The following ITM2B variants were observed in gnomAD, a reference collection of about 807,000 sequenced individuals.
ITM2B encodes the protein ABri/ADan amyloid peptide.
Under a neutral mutation model 27.8 loss-of-function variants are expected in ITM2B, and 11 were observed. The ratio of observed to expected loss-of-function variants is 0.40; its 90% CI spans 0.25 to 0.66. The LOEUF is 0.66. ITM2B is among the 30% of genes least tolerant of loss of function. The pLI, the probability that ITM2B is intolerant of heterozygous loss-of-function variation, is 0.43. For missense variants in ITM2B, 296 were observed against 328.9 expected, an observed-to-expected ratio of 0.90 and a Z score of 0.77; for synonymous variants, 114 against 114.3, an observed-to-expected ratio of 1.00 and a Z score of 0.02.
rs545875072 is a variant in ITM2B at position 48,267,482 on chromosome 13, C to G, written c.*6258C>G. ...TGGAATGAGTCCCTAGATTCTAGCCCTGCAGCTAGCTGACACTCTAAAAAA... is the reference window on the plus strand; with the variant it reads ...TGGAATGAGTCCCTAGATTCTAGCCGTGCAGCTAGCTGACACTCTAAAAAA... On this transcript the variant is annotated 3_prime_UTR_variant, in exon 6 of 6. Transcript: ENST00000647800. 1 of 152,116 alleles carries G rather than the reference C, an allele frequency of 6.6e-6. No homozygotes were observed. The highest frequency in any genetic ancestry group is 2.1e-4 in the South Asian group (1 of 4,834). The allele number at this position is 152,116 out of a possible 1,614,324, so 9.4% of individuals were successfully genotyped here.
At chr13:48,258,053 TATTCTTAAAA>T in intron 3 of ITM2B, 63 bp from the exon 4 acceptor site, 1 of 781,244 alleles carries the variant, frequency 1.3e-6, no homozygotes, top group Non-Finnish European at 2.4e-6. Context: ...TGATACAAAT[TATTCTTAAAA>T]ATCCAGTTGC....
At chr13:48,256,771 G>T (rs1199430847) in intron 3 of ITM2B, among the ~76,000 whole-genome samples, 1 of 152,010 alleles carries the variant, frequency 6.6e-6, no homozygotes, top group Non-Finnish European at 1.5e-5. Context: ...CAGCTTTTGA[G>T]CATTTTTATG....
At chr13:48,237,498 T>C (rs1951674576) in intron 1 of ITM2B, among the ~76,000 whole-genome samples, 1 of 152,162 alleles carries the variant, frequency 6.6e-6, no homozygotes, top group African/African-American at 2.4e-5. Context: ...TAGACAGAAA[T>C]GAGTATAATA....
chr13:48,240,231 A>G (rs1951691969), intron 1 of ITM2B, among the ~76,000 whole-genome samples: 1 of 152,168 alleles, frequency 6.6e-6, no homozygotes, highest in South Asian at 2.1e-4. Context: ...GTTGAGAAAC[A>G]GTCTTGCCCT....
chr13:48,256,439 T>C (rs1414120568), intron 3 of ITM2B, 56 bp downstream of exon 3: 24 of 1,317,740 alleles, frequency 1.8e-5, no homozygotes, highest in Non-Finnish European at 2.6e-5. Context: ...TTTATGCTTT[T>C]TGTAGTTTTA....
chr13:48,266,896 C>G lies in ITM2B; in HGVS notation c.*5672C>G, dbSNP rs1386763453. The G allele has an allele frequency of 6.6e-6, 1 of 152,260 alleles. No homozygotes were observed. The highest frequency in any genetic ancestry group is 2.1e-4 in the South Asian group (1 of 4,828). The allele number at this position is 152,260 out of a possible 1,614,324, so 9.4% of individuals were successfully genotyped here. A position where few individuals can be genotyped will look rare whatever the true frequency, so the allele number is the denominator to read the frequency against. ...TCTTCTTCCATAATGCCACCTTCTTCTAGGATAGTATTTTTGGGCCAGATG... is the reference window on the plus strand; with the variant it reads ...TCTTCTTCCATAATGCCACCTTCTTGTAGGATAGTATTTTTGGGCCAGATG... On this transcript the variant is annotated 3_prime_UTR_variant, in exon 6 of 6. Coordinates refer to ENST00000647800, the MANE Select transcript of ITM2B (RefSeq NM_021999.5).
intron 1 of ITM2B, among the ~76,000 whole-genome samples, chr13:48,235,662 C>T (rs1951664125): frequency 6.6e-6 from 1 of 152,176 alleles, no homozygotes. Flanking sequence ...TGGCTCCTTG[C>T]GGGTGGCTCT....
intron 5 of ITM2B, 105 bp from the exon 6 acceptor site, chr13:48,261,034 T>C: frequency 1.3e-6 from 1 of 760,408 alleles, no homozygotes; most frequent in Non-Finnish European, 2.2e-6. Context: ...TTGTGGAATA[T>C]AGAGTGAAAT....
intron 1 of ITM2B, among the ~76,000 whole-genome samples, chr13:48,244,878 C>T (rs1196898535): frequency 1.3e-5 from 2 of 152,030 alleles, no homozygotes; most frequent in African/African-American, 4.8e-5. Flanking sequence ...CCAATTTATC[C>T]CGGTAAAGGA....
rs1214586151 is a variant in ITM2B, at chr13:48,235,749, T to G, written c.117+2272T>G. 2.6e-5 allele frequency among the ~76,000 whole-genome samples: 4 copies of G among 152,244 alleles called. No individual in the cohort carries two copies. The East Asian group carries it at 7.7e-4, about 29-fold the overall frequency. ...TGTGTTTTGCCGAGGGCATTTCCTTTGCCTGGTTGGTTGAAAGAATCAAAC... is the reference window on the plus strand; with the variant it reads ...TGTGTTTTGCCGAGGGCATTTCCTTGGCCTGGTTGGTTGAAAGAATCAAAC... On this transcript the variant is annotated intron_variant, in intron 1 of 5. Coordinates refer to ENST00000647800, the MANE Select transcript of ITM2B (RefSeq NM_021999.5).
At chr13:48,242,611 T>C (rs747555896) in intron 1 of ITM2B, among the ~76,000 whole-genome samples, 32 of 152,156 alleles carry the variant, frequency 2.1e-4, no homozygotes, top group Admixed American at 6.5e-4. Context: ...CGTTATTCCA[T>C]CCTCATATTT....
rs1951869859 is a variant in ITM2B, at chr13:48,269,136, T to A, written c.*7912T>A. On this transcript the variant is annotated 3_prime_UTR_variant, in exon 6 of 6. Transcript: ENST00000647800. ...TGGTTTCCTCATCTCAGCTCCTTTT[T>A]TTTTCCAGTTGCACAGGCTAAAAAT... 1 of 152,190 alleles carries A rather than the reference T, an allele frequency of 6.6e-6. No individual in the cohort carries two copies. The highest frequency in any genetic ancestry group is 2.1e-4 in the South Asian group (1 of 4,836). 9.4% of individuals were successfully genotyped at this position (152,190 alleles called of 1,614,324 possible).
Position 48,261,261 on chromosome 13 carries a change from C to G in ITM2B, c.*37C>G, listed in dbSNP as rs761962927. On this transcript the variant is annotated 3_prime_UTR_variant, in exon 6 of 6. Coordinates refer to ENST00000647800, the MANE Select transcript of ITM2B (RefSeq NM_021999.5). Reference sequence around the variant, plus strand: ...AAACATTATTGAGGAAAATTAATATCACAGCATAACCCCACCCTTTACATT... The same window carrying G: ...AAACATTATTGAGGAAAATTAATATGACAGCATAACCCCACCCTTTACATT... 15 of 1,328,922 alleles carry G rather than the reference C, an allele frequency of 1.1e-5. No homozygotes were observed. Among genetic ancestry groups the G allele is most frequent in the Non-Finnish European group, 1.6e-5 (15 of 920,684 alleles). 82.3% of individuals were successfully genotyped at this position (1,328,922 alleles called of 1,614,324 possible).
At chr13:48,247,965 C>T (rs149074374) in intron 1 of ITM2B, among the ~76,000 whole-genome samples, 244 of 151,420 alleles carry the variant, frequency 1.6e-3, no homozygotes, top group African/African-American at 5.5e-3. Context: ...ACCTTTTAAG[C>T]GCGATGCAAG....
rs770862229 is a variant in ITM2B, at chr13:48,261,239, C to T, written c.*15C>T. On this transcript the variant is annotated 3_prime_UTR_variant, in exon 6 of 6. Coordinates refer to ENST00000647800, the MANE Select transcript of ITM2B (RefSeq NM_021999.5). ...TTTGTTCTTGAACAGTCAAGAAAAACATTATTGAGGAAAATTAATATCACA... is the reference window on the plus strand; with the variant it reads ...TTTGTTCTTGAACAGTCAAGAAAAATATTATTGAGGAAAATTAATATCACA... 2 of 1,550,078 alleles carry T rather than the reference C, an allele frequency of 1.3e-6. No homozygotes were observed. Among genetic ancestry groups the T allele is most frequent in the Non-Finnish European group, 1.8e-6 (2 of 1,122,296 alleles).
At chr13:48,236,810 T>C (rs1012405644) in intron 1 of ITM2B, among the ~76,000 whole-genome samples, 2 of 152,220 alleles carry the variant, frequency 1.3e-5, no homozygotes, top group African/African-American at 4.8e-5. Flanking sequence ...ACAGAATAGC[T>C]TAAGCTTGCT....
intron 1 of ITM2B, among the ~76,000 whole-genome samples, chr13:48,252,239 T>C (rs1291462920): frequency 6.6e-6 from 1 of 152,210 alleles, no homozygotes. Context: ...CATTTTAGAA[T>C]TAAAAACATA....
At chr13:48,247,781 A>G (rs1449927190) in intron 1 of ITM2B, among the ~76,000 whole-genome samples, 2 of 152,198 alleles carry the variant, frequency 1.3e-5, no homozygotes, top group African/African-American at 2.4e-5. Context: ...AGAAATTAGT[A>G]CTGTGCCAGA....
intron 1 of ITM2B, among the ~76,000 whole-genome samples, chr13:48,246,625 A>G (rs1951725879): frequency 6.6e-6 from 1 of 152,222 alleles, no homozygotes; most frequent in Non-Finnish European, 1.5e-5. Flanking sequence ...GTCCCAGTGT[A>G]CAAAACCCAG....
Sources: gnomAD v4.1 joint callset for allele counts (sites outside exome capture counted in the v4.1 genomes callset) on GRCh38, gnomAD v4.1.1 for gene constraint, MANE v1.5 for transcripts, NCBI Gene and HGNC (gene_info 2026-07-23, HGNC 2026-07-21) for gene names.